PM20D2: variants seen among roughly 807,000 people sequenced by gnomAD.
PM20D2 encodes xaa-Arg dipeptidase.
A neutral mutation model predicts 42.9 loss-of-function variants in PM20D2; 33 were observed. The observed-to-expected ratio is 0.77, with a 90% CI of 0.58 to 1.03. The LOEUF is 1.03. Among genes scored for constraint, PM20D2 ranks in the 50% least tolerant of loss-of-function variants. PM20D2 has a pLI of 0.00. For missense variants in PM20D2, 548 were observed against 557.0 expected (o/e 0.98, Z 0.16); for synonymous variants, 250 against 228.2 (o/e 1.10, Z -0.86).
chr6:89,134,908 A>T, the PM20D2 span, among the ~76,000 whole-genome samples: 2 of 151,092 alleles, frequency 1.3e-5, no homozygotes, highest in African/African-American at 5.0e-5. Context: ...TCTGGAGTGT[A>T]AATTACCCTG....
At chr6:89,153,616 T>C (rs189246744) in intron 3 of PM20D2, among the ~76,000 whole-genome samples, 80 of 152,312 alleles carry the variant, frequency 5.3e-4, no homozygotes, top group African/African-American at 1.9e-3. Flanking sequence ...TTTTTTGTTT[T>C]TGAGACAGTC....
chr6:89,161,879 C>T lies in PM20D2; in HGVS notation c.1145C>T (p.Thr382Ile). The T allele has an allele frequency of 6.2e-7, 1 of 1,608,126 alleles. No individual in the cohort carries two copies. Among genetic ancestry groups the T allele is most frequent in the South Asian group, 1.1e-5 (1 of 90,918 alleles). The part of the protein sequence containing the change: ...SNALNHTEQY[T>I]EAAGSQEAQF... ...GCCTTGAATCATACTGAACAGTACA[C>T]TGAAGCTGCTGGTAAGTGTTGTTGG... The change falls in exon 6 of 7, where the codon ACT becomes ATT. Residue 382 changes from threonine (T) to isoleucine (I), a missense_variant. This residue lies in a region of PM20D2 where 71 missense variants were observed against 69.7 expected (regional missense o/e 1.02). Transcript: ENST00000275072.
the PM20D2 span, among the ~76,000 whole-genome samples, chr6:89,124,730 G>GCTGTTTT: frequency 1.7e-5 from 1 of 58,090 alleles, no homozygotes; most frequent in Non-Finnish European, 3.9e-5. Flanking sequence ...TGTTGTTGCT[G>GCTGTTTT]TTGTTGTTTT....
chr6:89,161,962 C>T (rs1771255677), intron 6 of PM20D2, 72 bp downstream of exon 6: 3 of 1,495,746 alleles, frequency 2.0e-6, no homozygotes, highest in Non-Finnish European at 2.8e-6. Flanking sequence ...TTCTGTTTAA[C>T]CTACTATTTC....
the PM20D2 span, among the ~76,000 whole-genome samples, chr6:89,134,475 G>A: frequency 1.3e-5 from 2 of 151,000 alleles, no homozygotes; most frequent in Admixed American, 6.6e-5. Flanking sequence ...CCTTCAGCTC[G>A]GTCTTTCTTT....
the PM20D2 span, among the ~76,000 whole-genome samples, chr6:89,116,043 A>AT: frequency 1.3e-5 from 2 of 152,240 alleles, no homozygotes; most frequent in Non-Finnish European, 2.9e-5. Context: ...TATATCAACA[A>AT]TAAGTCCAGA....
the PM20D2 span, chr6:89,099,063 G>A: frequency 4.4e-5 from 56 of 1,259,098 alleles, no homozygotes; most frequent in African/African-American, 5.2e-4. Flanking sequence ...TACTAGATAA[G>A]CTAAAAAAAT....
the PM20D2 span, among the ~76,000 whole-genome samples, chr6:89,138,163 C>T: frequency 1.3e-5 from 2 of 151,904 alleles, no homozygotes; most frequent in Non-Finnish European, 2.9e-5. Context: ...AAGCTCAAGC[C>T]ATTCTCCTGC....
the PM20D2 span, among the ~76,000 whole-genome samples, chr6:89,130,810 C>CTGCTGCTGCTTTTTTTTTT: frequency 1.7e-5 from 1 of 57,594 alleles, no homozygotes; most frequent in African/African-American, 6.9e-5. Context: ...TTGTATCTGG[C>CTGCTGCTGCTTTTTTTTTT]TTCTTCTTCT....
At position 89,164,601 on chromosome 6, in the gene PM20D2, T is replaced by C. The variant is rs1241441799; in HGVS notation, c.*2338T>C. 1 of 152,452 alleles carries C rather than the reference T, an allele frequency of 6.6e-6. No homozygotes were observed. Among genetic ancestry groups the C allele is most frequent in the African/African-American group, 2.4e-5 (1 of 41,388 alleles). The allele number at this position is 152,452 out of a possible 1,614,324, so 9.4% of individuals were successfully genotyped here. On this transcript the variant is annotated 3_prime_UTR_variant, in exon 7 of 7. Transcript: ENST00000275072. Reference sequence around the variant, plus strand: ...AAGTTTTACGAAAATATATGATATATATTTATACTAAAACTATATAATCCT... The same window carrying C: ...AAGTTTTACGAAAATATATGATATACATTTATACTAAAACTATATAATCCT...
the PM20D2 span, among the ~76,000 whole-genome samples, chr6:89,133,301 C>G: frequency 1.3e-5 from 2 of 150,930 alleles, no homozygotes. Context: ...AAATGACATT[C>G]GATAAAACTT....
At chr6:89,098,233 T>C in the PM20D2 span, 2 of 165,022 alleles carry the variant, frequency 1.2e-5, no homozygotes, top group African/African-American at 4.8e-5. Flanking sequence ...AAGTCAAAAA[T>C]ATTTGTGTAA....
the PM20D2 span, among the ~76,000 whole-genome samples, chr6:89,131,396 G>T: frequency 1.3e-5 from 2 of 152,076 alleles, no homozygotes; most frequent in Admixed American, 6.6e-5. Flanking sequence ...TTTAAAAATT[G>T]AATCTATCTG....
the PM20D2 span, among the ~76,000 whole-genome samples, chr6:89,110,420 G>T: frequency 6.6e-6 from 1 of 152,146 alleles, no homozygotes; most frequent in African/African-American, 2.4e-5. Context: ...CTATGTAAAT[G>T]AAGACTTGGC....
At chr6:89,133,525 C>T in the PM20D2 span, among the ~76,000 whole-genome samples, 1 of 151,076 alleles carries the variant, frequency 6.6e-6, no homozygotes, top group South Asian at 2.1e-4. Flanking sequence ...GCTCTTCTTG[C>T]TTGCATCACC....
At chr6:89,116,918 ACT>A in the PM20D2 span, among the ~76,000 whole-genome samples, 3 of 151,720 alleles carry the variant, frequency 2.0e-5, no homozygotes, top group Non-Finnish European at 4.4e-5. Context: ...AATCATTAAA[ACT>A]CTTAGTTTCC....
intron 3 of PM20D2, among the ~76,000 whole-genome samples, chr6:89,154,330 G>A (rs531881720): frequency 7.0e-4 from 107 of 152,158 alleles, no homozygotes; most frequent in African/African-American, 2.4e-3. Context: ...ATAGCTAAAT[G>A]CCATTTAAAA....
At chr6:89,135,215 C>T in the PM20D2 span, among the ~76,000 whole-genome samples, 1 of 151,246 alleles carries the variant, frequency 6.6e-6, no homozygotes, top group Non-Finnish European at 1.5e-5. Flanking sequence ...TTTTTTACTT[C>T]ATAATTTTTG....
At chr6:89,117,508 T>A in the PM20D2 span, among the ~76,000 whole-genome samples, 1 of 152,140 alleles carries the variant, frequency 6.6e-6, no homozygotes, top group Non-Finnish European at 1.5e-5. Flanking sequence ...GGGAGCGACC[T>A]GAGCTCGGGA....
Sources: allele counts gnomAD v4.1 joint callset (sites outside exome capture counted in the v4.1 genomes callset), GRCh38; gene constraint gnomAD v4.1.1; regional missense constraint gnomAD v4.1.1; transcripts MANE v1.5; gene names NCBI Gene and HGNC (gene_info 2026-07-23, HGNC 2026-07-21).